SNTG2: variants seen among roughly 807,000 people sequenced by gnomAD.
SNTG2 encodes syntrophin gamma 2.
A neutral mutation model predicts 70.9 loss-of-function variants in SNTG2; 74 were observed. That is an observed-to-expected ratio of 1.04 (90% CI 0.86 to 1.27). The LOEUF is 1.27. Among genes scored for constraint, SNTG2 ranks in the 50% most tolerant of loss-of-function variants. The pLI is 0.00. For missense variants in SNTG2, 717 were observed against 690.7 expected (o/e 1.04, Z -0.43); for synonymous variants, 278 against 273.8 (o/e 1.02, Z -0.15).
chr2:1,235,234 G>A (rs1204500593), intron 9 of SNTG2, among the ~76,000 whole-genome samples: 14 of 138,332 alleles, frequency 1.0e-4, no homozygotes, highest in Admixed American at 1.4e-4. Flanking sequence ...ATTCATGAGA[G>A]GGGGCGCCCC....
At chr2:1,219,401 T>G (rs1341523182) in intron 9 of SNTG2, among the ~76,000 whole-genome samples, 1 of 152,190 alleles carries the variant, frequency 6.6e-6, no homozygotes, top group East Asian at 1.9e-4. Context: ...GTTTATGGAA[T>G]AAGGAATGAC....
chr2:1,118,612 C>A (rs1434135838), intron 4 of SNTG2, among the ~76,000 whole-genome samples: 1 of 151,120 alleles, frequency 6.6e-6, no homozygotes, highest in African/African-American at 2.4e-5. Flanking sequence ...TCAATGAAAT[C>A]ATAAAAAAAT....
chr2:1,366,565 G>A (rs906553378), intron 16 of SNTG2, among the ~76,000 whole-genome samples: 2 of 152,124 alleles, frequency 1.3e-5, no homozygotes, highest in South Asian at 2.1e-4. Flanking sequence ...TTGGGAGGGG[G>A]TAGGGGTATA....
chr2:1,253,456 A>G (rs1677878649), intron 12 of SNTG2, among the ~76,000 whole-genome samples: 1 of 152,176 alleles, frequency 6.6e-6, no homozygotes, highest in African/African-American at 2.4e-5. Context: ...GAAAGCCCTC[A>G]CTATGCAATA....
intron 4 of SNTG2, among the ~76,000 whole-genome samples, chr2:1,130,298 T>G (rs1163780066): frequency 6.6e-6 from 1 of 152,228 alleles, no homozygotes; most frequent in Non-Finnish European, 1.5e-5. Flanking sequence ...TAGCAAACTC[T>G]GAGAATAAAC....
intron 1 of SNTG2, among the ~76,000 whole-genome samples, chr2:955,975 C>T (rs1660127891): frequency 6.9e-6 from 1 of 145,438 alleles, no homozygotes; most frequent in African/African-American, 2.5e-5. Context: ...GCCCCTGCCC[C>T]TGCATCTGCA....
At chr2:977,136 G>C (rs1660931570) in intron 1 of SNTG2, among the ~76,000 whole-genome samples, 1 of 152,224 alleles carries the variant, frequency 6.6e-6, no homozygotes, top group Non-Finnish European at 1.5e-5. Flanking sequence ...GAAAAGAGCA[G>C]TTGTGGGAGA....
At chr2:1,077,481 CTT>C (rs1232819493) in intron 1 of SNTG2, among the ~76,000 whole-genome samples, 1 of 152,146 alleles carries the variant, frequency 6.6e-6, no homozygotes, top group African/African-American at 2.4e-5. Context: ...TTGGGAATGA[CTT>C]TTATATTCCC....
intron 8 of SNTG2, among the ~76,000 whole-genome samples, chr2:1,207,308 C>T (rs147695704): frequency 1.3e-5 from 2 of 152,308 alleles, no homozygotes; most frequent in Admixed American, 6.5e-5. Flanking sequence ...GCTCAGAGTT[C>T]AAATGTTCCA....
rs549048615 is a variant in SNTG2 at position 1,353,715 on chromosome 2, A to T, written c.1489-13628A>T. 6.6e-6 allele frequency: 1 copy of T among 152,338 alleles called. No homozygotes were observed. The highest frequency in any genetic ancestry group is 2.1e-4 in the South Asian group (1 of 4,824). The allele number at this position is 152,338 out of a possible 1,614,324, so 9.4% of individuals were successfully genotyped here. A position where few individuals can be genotyped will look rare whatever the true frequency, so the allele number is the denominator to read the frequency against. On this transcript the variant is annotated intron_variant, in intron 16 of 16. Transcript: ENST00000308624. The surrounding 1 kb of genome is among the most constrained non-coding windows in gnomAD (Gnocchi z 4.2). ...CATTAGGTAATGATTGGGAAAACTA[A>T]GAACCCAGGATGGCTGCTCATCGGA...
intron 1 of SNTG2, among the ~76,000 whole-genome samples, chr2:1,055,813 A>AT (rs1468685754): frequency 2.0e-5 from 3 of 152,068 alleles, no homozygotes; most frequent in Non-Finnish European, 4.4e-5. Context: ...TCTGAATTGT[A>AT]TTTTCCATTC....
chr2:1,078,790 T>C (rs1456039795), intron 1 of SNTG2, among the ~76,000 whole-genome samples: 1 of 151,322 alleles, frequency 6.6e-6, no homozygotes. Context: ...CTGAACCCCG[T>C]GACCCCAGGC....
chr2:1,131,516 C>A (rs1572517923), intron 4 of SNTG2, among the ~76,000 whole-genome samples: 4 of 152,246 alleles, frequency 2.6e-5, no homozygotes, highest in Admixed American at 2.6e-4. Flanking sequence ...TGAAAATGAG[C>A]ACAAACATGG....
At chr2:1,187,533 A>G (rs1672322121) in intron 8 of SNTG2, among the ~76,000 whole-genome samples, 1 of 152,198 alleles carries the variant, frequency 6.6e-6, no homozygotes. Flanking sequence ...CCACAATCAC[A>G]TAAAGCAGTC....
intron 15 of SNTG2, among the ~76,000 whole-genome samples, chr2:1,309,020 C>T (rs1021801310): frequency 1.3e-5 from 2 of 152,320 alleles, no homozygotes; most frequent in Non-Finnish European, 2.9e-5. Flanking sequence ...CCCATTTCCA[C>T]CCCATCTGAG....
chr2:989,914 C>T (rs1661435177), intron 1 of SNTG2, among the ~76,000 whole-genome samples: 1 of 152,202 alleles, frequency 6.6e-6, no homozygotes, highest in South Asian at 2.1e-4. Context: ...ATGCAGTTTA[C>T]TGCATAGAGA....
At chr2:1,322,931 C>T (rs562166281) in intron 16 of SNTG2, among the ~76,000 whole-genome samples, 3 of 152,228 alleles carry the variant, frequency 2.0e-5, no homozygotes, top group African/African-American at 4.8e-5. Context: ...GAAGTGCCGC[C>T]GCTCAAGGCC....
intron 14 of SNTG2, among the ~76,000 whole-genome samples, chr2:1,307,095 T>C (rs1431790337): frequency 6.9e-6 from 1 of 145,174 alleles, no homozygotes; most frequent in Non-Finnish European, 1.5e-5. Flanking sequence ...GTGTGAACCA[T>C]GCACTGTGTG....
At chr2:1,219,517 A>G (rs1167775083) in intron 9 of SNTG2, among the ~76,000 whole-genome samples, 2 of 152,182 alleles carry the variant, frequency 1.3e-5, no homozygotes, top group East Asian at 3.9e-4. Context: ...TCACTTTGCA[A>G]CTCTTTACAG....
Sources: allele counts gnomAD v4.1 joint callset (sites outside exome capture counted in the v4.1 genomes callset), GRCh38; gene constraint gnomAD v4.1.1; non-coding constraint Gnocchi (gnomAD v3.1); transcripts MANE v1.5; gene names NCBI Gene and HGNC (gene_info 2026-07-23, HGNC 2026-07-21).